Variants in AGAP1 observed in about 807,000 individuals in gnomAD.
AGAP1 encodes the protein arf-GAP with GTPase, ANK repeat and PH domain-containing protein 1.
AGAP1 carries 29 observed loss-of-function variants against 105.3 expected under a neutral mutation model. The observed-to-expected ratio is 0.28, with a 90% CI of 0.21 to 0.38. The LOEUF (loss-of-function observed/expected upper bound fraction) is 0.38. Ranked by LOEUF, AGAP1 falls within the 10% of genes least tolerant of loss-of-function variation. AGAP1 has a pLI of 1.00. For synonymous variants in AGAP1, 509 were observed against 485.9 expected, an observed-to-expected ratio of 1.05 and a Z score of -0.63; for missense variants, 998 against 1,165.1, an observed-to-expected ratio of 0.86 and a Z score of 2.09.
chr2:236,079,370 TA>T lies in AGAP1; in HGVS notation c.2114+30108del, dbSNP rs3030747. ...TCTGTCTCTACAAAAAAAGAAAATT[TA>T]AAAAAAAAAAAAAAAAAACAGGCAT... On this transcript the variant is annotated intron_variant, in intron 16 of 17. Coordinates refer to ENST00000304032, the MANE Select transcript of AGAP1 (RefSeq NM_001037131.3). Among the ~76,000 whole-genome samples the T allele has an allele frequency of 4.5e-3, 568 of 127,482 alleles. 2 individuals carry two copies. The highest frequency in any genetic ancestry group is 8.5e-3 in the Middle Eastern group (2 of 236). The allele number at this position is 127,482 out of a possible 152,430, so 83.6% of individuals were successfully genotyped here.
intron 6 of AGAP1, among the ~76,000 whole-genome samples, chr2:235,772,852 G>A (rs1196415879): frequency 6.6e-6 from 1 of 152,208 alleles, no homozygotes; most frequent in African/African-American, 2.4e-5. Context: ...AGGTCACTGA[G>A]TCCTTGTGGG....
intron 16 of AGAP1, among the ~76,000 whole-genome samples, chr2:236,057,018 A>G (rs1181807840): frequency 1.3e-5 from 2 of 152,232 alleles, no homozygotes; most frequent in African/African-American, 2.4e-5. Context: ...CAAACATATT[A>G]TGTAACTACA....
intron 3 of AGAP1, among the ~76,000 whole-genome samples, chr2:235,735,634 C>T (rs1295539338): frequency 2.6e-5 from 4 of 152,002 alleles, no homozygotes; most frequent in East Asian, 1.9e-4. Flanking sequence ...TGTTCATTCA[C>T]GGTGAACGCA....
At chr2:236,066,479 G>A (rs1274720122) in intron 16 of AGAP1, among the ~76,000 whole-genome samples, 2 of 152,270 alleles carry the variant, frequency 1.3e-5, no homozygotes, top group East Asian at 1.9e-4. Context: ...ACCCGCGTCG[G>A]CCTCCCAAAG....
chr2:235,980,296 C>G (rs1263238380), intron 13 of AGAP1, among the ~76,000 whole-genome samples: 2 of 152,174 alleles, frequency 1.3e-5, no homozygotes, highest in East Asian at 3.9e-4. Context: ...TTTGAAGTGC[C>G]TTGTACATCG....
intron 1 of AGAP1, among the ~76,000 whole-genome samples, chr2:235,686,897 T>C (rs1949480217): frequency 6.6e-6 from 1 of 151,422 alleles, no homozygotes; most frequent in Non-Finnish European, 1.5e-5. Flanking sequence ...CCCTTGAGCT[T>C]AAGTGAACCT....
Position 235,621,332 on chromosome 2 carries a change from A to T in AGAP1, c.164-87847A>T, listed in dbSNP as rs544137734. 6.6e-6 allele frequency among the ~76,000 whole-genome samples: 1 copy of T among 152,250 alleles called. No individual in the cohort carries two copies. The highest frequency in any genetic ancestry group is 1.9e-4 in the East Asian group (1 of 5,170). On this transcript the variant is annotated intron_variant, in intron 1 of 17. Transcript: ENST00000304032. This position sits in a 1 kb window ranked among gnomAD's most constrained non-coding sequence, Gnocchi z 4.1. ...CCACCACGCCCAGCCGATCTATTTA[A>T]TTTCATTGTGCCTTGGTTTCTTCAT...
intron 12 of AGAP1, among the ~76,000 whole-genome samples, chr2:235,945,262 G>A (rs1176226424): frequency 3.3e-5 from 5 of 152,116 alleles, no homozygotes; most frequent in East Asian, 1.9e-4. Context: ...CACCGCGCCC[G>A]GCTAATTTTT....
chr2:235,952,776 G>A (rs1342902071), intron 12 of AGAP1, among the ~76,000 whole-genome samples: 1 of 152,120 alleles, frequency 6.6e-6, no homozygotes, highest in Non-Finnish European at 1.5e-5. Flanking sequence ...GTCCCTCGGT[G>A]CTGAGCCTCA....
At chr2:235,514,879 C>T (rs758692755) in intron 1 of AGAP1, among the ~76,000 whole-genome samples, 3 of 152,200 alleles carry the variant, frequency 2.0e-5, no homozygotes, top group Non-Finnish European at 4.4e-5. Context: ...CAACAAGGAA[C>T]ATACCTGGTG....
rs1242604003 is a variant in AGAP1, at chr2:235,663,591, G to T, written c.164-45588G>T. On this transcript the variant is annotated intron_variant, in intron 1 of 17. Coordinates refer to ENST00000304032, the MANE Select transcript of AGAP1 (RefSeq NM_001037131.3). This position sits in a 1 kb window ranked among gnomAD's most constrained non-coding sequence, Gnocchi z 5.4. The stretch of plus-strand genomic sequence containing the variant: ...GGCAAAAATTCCCAGGGCATCGTTT[G>T]TGGCCTCAATGTGATTTTCATGTAA... 6.6e-6 allele frequency among the ~76,000 whole-genome samples: 1 copy of T among 152,170 alleles called. No individual in the cohort carries two copies.
At chr2:235,636,373 G>A (rs1395525583) in intron 1 of AGAP1, among the ~76,000 whole-genome samples, 4 of 152,088 alleles carry the variant, frequency 2.6e-5, no homozygotes, top group Non-Finnish European at 5.9e-5. Flanking sequence ...ACCCACTCAG[G>A]GAGCGTTTGT....
Position 235,555,682 on chromosome 2 carries a change from T to C in AGAP1, c.163+60833T>C, listed in dbSNP as rs188440106. Among the ~76,000 whole-genome samples, 27 of 152,330 alleles carry C rather than the reference T, an allele frequency of 1.8e-4. No individual in the cohort carries two copies. The highest frequency in any genetic ancestry group is 1.8e-3 in the Admixed American group (27 of 15,304). On this transcript the variant is annotated intron_variant, in intron 1 of 17. Transcript: ENST00000304032. The surrounding 1 kb of genome is among the most constrained non-coding windows in gnomAD (Gnocchi z 5.1). ...AAGGAAGTTGGCCCAAACCACATTT[T>C]TGAACTTCTGCTTTGGCCTTGTCAG...
At chr2:235,807,122 A>G (rs1026895859) in intron 8 of AGAP1, 117 bp from the exon 9 acceptor site, 35 of 973,324 alleles carry the variant, frequency 3.6e-5, no homozygotes, top group Non-Finnish European at 4.9e-5. Context: ...CTGTGCGCAC[A>G]CATAGATCGC....
At chr2:236,008,055 G>A (rs2056382554) in intron 13 of AGAP1, among the ~76,000 whole-genome samples, 1 of 152,266 alleles carries the variant, frequency 6.6e-6, no homozygotes, top group South Asian at 2.1e-4. Flanking sequence ...TTTGCTGTGT[G>A]TGTGTTTTCA....
chr2:235,558,996 C>T lies in AGAP1; in HGVS notation c.163+64147C>T, dbSNP rs111913091. On this transcript the variant is annotated intron_variant, in intron 1 of 17. Coordinates refer to ENST00000304032, the MANE Select transcript of AGAP1 (RefSeq NM_001037131.3). ...GGAGTACGGTGGTGTGATCTCTGCT[C>T]ACTGCAGCCTTCGCCTCCCAGGCTC... 3.8e-4 allele frequency among the ~76,000 whole-genome samples: 58 copies of T among 152,124 alleles called. 1 individual carries two copies. The highest frequency in any genetic ancestry group is 1.3e-3 in the African/African-American group (56 of 41,526).
At chr2:235,783,855 G>A (rs1343929617) in intron 6 of AGAP1, among the ~76,000 whole-genome samples, 2 of 152,138 alleles carry the variant, frequency 1.3e-5, no homozygotes, top group Non-Finnish European at 2.9e-5. Flanking sequence ...TTCACAGTAT[G>A]TACATTTAAT....
At chr2:235,679,628 TG>T (rs1346641070) in intron 1 of AGAP1, among the ~76,000 whole-genome samples, 3 of 152,234 alleles carry the variant, frequency 2.0e-5, no homozygotes, top group Non-Finnish European at 4.4e-5. Context: ...GTCTCATTCC[TG>T]GTACAAGCCA....
chr2:235,718,070 ATATG>A (rs1471268503), intron 3 of AGAP1, among the ~76,000 whole-genome samples: 1 of 152,106 alleles, frequency 6.6e-6, no homozygotes, highest in Non-Finnish European at 1.5e-5. Flanking sequence ...TACCACCACC[ATATG>A]TTTGAGTATG....
Sources: allele counts gnomAD v4.1 joint callset (sites outside exome capture counted in the v4.1 genomes callset), GRCh38; gene constraint gnomAD v4.1.1; non-coding constraint Gnocchi (gnomAD v3.1); transcripts MANE v1.5; gene names NCBI Gene and HGNC (gene_info 2026-07-23, HGNC 2026-07-21).